Variants in SCOC observed in about 807,000 individuals in gnomAD.
SCOC encodes short coiled-coil protein.
A neutral mutation model predicts 9.9 loss-of-function variants in SCOC; 7 were observed. The ratio of observed to expected loss-of-function variants is 0.71; its 90% CI spans 0.40 to 1.33. The LOEUF (loss-of-function observed/expected upper bound fraction) is 1.33. Ranked by LOEUF, SCOC falls within the 40% of genes most tolerant of loss-of-function variation. The pLI, the probability that SCOC is intolerant of heterozygous loss-of-function variation, is 0.01. For missense variants in SCOC, 66 were observed against 89.7 expected (o/e 0.74, Z 1.07); for synonymous variants, 19 against 28.2 (o/e 0.67, Z 1.03).
chr4:140,359,359 T>TG (rs1727366589), intron 2 of SCOC, among the ~76,000 whole-genome samples: 1 of 152,042 alleles, frequency 6.6e-6, no homozygotes, highest in Non-Finnish European at 1.5e-5. Flanking sequence ...TATAGTGGTT[T>TG]GGGGGGAATT....
At chr4:140,362,301 T>TCTTCTTCTTCTTCTTC in intron 2 of SCOC, among the ~76,000 whole-genome samples, 19 of 29,402 alleles carry the variant, frequency 6.5e-4, no homozygotes, top group Admixed American at 1.2e-3. Flanking sequence ...TTCTTCTTCT[T>TCTTCTTCTTCTTCTTC]TTTTTTTTTT....
intron 1 of SCOC, chr4:140,291,628 C>T (rs529117534): frequency 2.4e-6 from 1 of 415,060 alleles, no homozygotes; most frequent in South Asian, 1.7e-5. Context: ...TGACCATGTA[C>T]CATGTACCTG....
chr4:140,351,113 C>G lies in SCOC; in HGVS notation c.70+7405C>G, dbSNP rs562239684. Among the ~76,000 whole-genome samples, 6 of 152,004 alleles carry G rather than the reference C, an allele frequency of 3.9e-5. No individual in the cohort carries two copies. The South Asian group carries it at 1.2e-3, about 32-fold the overall frequency. On this transcript the variant is annotated intron_variant, in intron 2 of 4. Transcript: ENST00000338517. ...GCTGAGGCAGGGGAATCGCTTAAAC[C>G]CGGGAGGTAGAGGTTGCAGTGAGCC...
intron 1 of SCOC, among the ~76,000 whole-genome samples, chr4:140,269,164 T>C (rs1730789834): frequency 6.6e-6 from 1 of 152,154 alleles, no homozygotes; most frequent in African/African-American, 2.4e-5. Context: ...CCACACATTA[T>C]GGGATAGTTT....
intron 1 of SCOC, among the ~76,000 whole-genome samples, chr4:140,271,151 A>G (rs1730836284): frequency 6.6e-6 from 1 of 152,210 alleles, no homozygotes; most frequent in Non-Finnish European, 1.5e-5. Flanking sequence ...GTGGTCACAG[A>G]AGACTTGTGG....
chr4:140,324,707 C>T (rs1578810640), intron 1 of SCOC, among the ~76,000 whole-genome samples: 2 of 152,078 alleles, frequency 1.3e-5, no homozygotes, highest in African/African-American at 4.8e-5. Flanking sequence ...TTGACAGATA[C>T]ACTGTGTTCA....
At chr4:140,352,273 T>A (rs971786986) in intron 2 of SCOC, among the ~76,000 whole-genome samples, 1 of 152,310 alleles carries the variant, frequency 6.6e-6, no homozygotes, top group East Asian at 1.9e-4. Flanking sequence ...ATCAAACAAG[T>A]ATGTTAATTG....
intron 1 of SCOC, among the ~76,000 whole-genome samples, chr4:140,317,707 T>TTA (rs1560698362): frequency 1.4e-5 from 2 of 146,452 alleles, no homozygotes; most frequent in Non-Finnish European, 3.0e-5. Context: ...TATTATTATT[T>TTA]TTAATTATAC....
chr4:140,337,000 A>G (rs914683955), intron 1 of SCOC, among the ~76,000 whole-genome samples: 1 of 152,132 alleles, frequency 6.6e-6, no homozygotes, highest in African/African-American at 2.4e-5. Context: ...AAGATGTTGA[A>G]TATCCTTTCA....
intron 2 of SCOC, among the ~76,000 whole-genome samples, chr4:140,362,273 C>CTCTTCTTCTTCTTCTTCTTCTTCTT: frequency 4.5e-4 from 13 of 29,074 alleles, no homozygotes; most frequent in Non-Finnish European, 6.8e-4. Flanking sequence ...ACAGGTGTGT[C>CTCTTCTTCTTCTTCTTCTTCTTCTT]CTTACTTCTT....
At chr4:140,372,189 ATTGG>A (rs1298381376), upstream of SCOC, among the ~76,000 whole-genome samples, 3 of 152,240 alleles carry the variant, frequency 2.0e-5, no homozygotes. Flanking sequence ...GGTTCTGGAG[ATTGG>A]TTGGAGAACA....
intron 1 of SCOC, among the ~76,000 whole-genome samples, chr4:140,288,884 T>A (rs1305162682): frequency 6.6e-6 from 1 of 151,754 alleles, no homozygotes; most frequent in Non-Finnish European, 1.5e-5. Flanking sequence ...CCATACCACA[T>A]ACATACACAG....
intron 1 of SCOC, among the ~76,000 whole-genome samples, chr4:140,295,575 G>C (rs1224793401): frequency 3.9e-5 from 6 of 152,194 alleles, no homozygotes; most frequent in Non-Finnish European, 7.3e-5. Context: ...GTGAGACGGC[G>C]TGGCCCCGCC....
intron 1 of SCOC, among the ~76,000 whole-genome samples, chr4:140,299,379 G>T (rs1187433453): frequency 6.6e-6 from 1 of 152,142 alleles, no homozygotes; most frequent in Non-Finnish European, 1.5e-5. Context: ...CATAAGGAAA[G>T]AAAAATCAGT....
intron 1 of SCOC, among the ~76,000 whole-genome samples, chr4:140,331,024 C>A (rs1362958370): frequency 6.6e-6 from 1 of 152,140 alleles, no homozygotes; most frequent in Non-Finnish European, 1.5e-5. Context: ...GGATTTCAGA[C>A]CCCACTTTCC....
At chr4:140,328,581 A>C (rs1732720018) in intron 1 of SCOC, among the ~76,000 whole-genome samples, 1 of 152,172 alleles carries the variant, frequency 6.6e-6, no homozygotes, top group African/African-American at 2.4e-5. Flanking sequence ...AATTGACCTG[A>C]ATGCTAATAA....
chr4:140,282,162 A>T (rs1295831196), intron 1 of SCOC, among the ~76,000 whole-genome samples: 1 of 152,196 alleles, frequency 6.6e-6, no homozygotes, highest in Non-Finnish European at 1.5e-5. Context: ...AGGTTTGAAC[A>T]TTATAATATT....
chr4:140,267,773 T>C (rs1730761368), intron 1 of SCOC, among the ~76,000 whole-genome samples: 1 of 152,096 alleles, frequency 6.6e-6, no homozygotes, highest in Non-Finnish European at 1.5e-5. Flanking sequence ...GTCTTTGCAG[T>C]CTGGATTCCT....
At chr4:140,366,183 C>CT (rs869298297) in intron 2 of SCOC, 257 of 9,326 alleles carry the variant, frequency 0.028, no homozygotes, top group South Asian at 0.044. Context: ...TTCTTTCTTT[C>CT]TTTTTTTTTT....
Sources: gnomAD v4.1 joint callset for allele counts (sites outside exome capture counted in the v4.1 genomes callset) on GRCh38, gnomAD v4.1.1 for gene constraint, MANE v1.5 for transcripts, NCBI Gene and HGNC (gene_info 2026-07-23, HGNC 2026-07-21) for gene names.